PTPRG: variants seen among roughly 807,000 people sequenced by gnomAD.
PTPRG encodes receptor-type tyrosine-protein phosphatase gamma.
Under a neutral mutation model 165.3 loss-of-function variants are expected in PTPRG, and 102 were observed. The observed-to-expected ratio is 0.62, with a 90% CI of 0.53 to 0.73. The LOEUF (loss-of-function observed/expected upper bound fraction) is 0.73. Among genes scored for constraint, PTPRG ranks in the 30% least tolerant of loss-of-function variants. The probability of loss-of-function intolerance (pLI) is 0.00; values close to 1 mark genes in which losing one functional copy is unlikely to be tolerated. For missense variants in PTPRG, 1,866 were observed against 1,861.4 expected, an observed-to-expected ratio of 1.00 and a Z score of -0.05; for synonymous variants, 675 against 669.5, an observed-to-expected ratio of 1.01 and a Z score of -0.13.
chr3:62,130,291 C>T (rs1703466239), intron 5 of PTPRG, among the ~76,000 whole-genome samples: 1 of 152,188 alleles, frequency 6.6e-6, no homozygotes, highest in African/African-American at 2.4e-5. Flanking sequence ...TGGAATTCTT[C>T]ATTTGATCTT....
chr3:62,011,031 G>A (rs1020188824), intron 4 of PTPRG, among the ~76,000 whole-genome samples: 5 of 152,230 alleles, frequency 3.3e-5, no homozygotes, highest in Middle Eastern at 3.4e-3. Flanking sequence ...AATGGTTTCC[G>A]GTTGCCCCCT....
At chr3:61,947,960 G>A (rs1369575243) in intron 2 of PTPRG, among the ~76,000 whole-genome samples, 4 of 152,146 alleles carry the variant, frequency 2.6e-5, no homozygotes, top group Non-Finnish European at 4.4e-5. Flanking sequence ...GGAAATCTGA[G>A]TGGGTCCTCA....
Position 61,691,491 on chromosome 3 carries a change from A to G in PTPRG, c.86-57387A>G, listed in dbSNP as rs77293943. ...CTTCATATATATGAGGATCAGGACC[A>G]TCCTAAATATGTATGTATATCTCTG... On this transcript the variant is annotated intron_variant, in intron 1 of 29. Coordinates refer to ENST00000474889, the MANE Select transcript of PTPRG (RefSeq NM_002841.4). Among the ~76,000 whole-genome samples the G allele has an allele frequency of 5.0e-3, 767 of 152,312 alleles. 1 individual carries two copies. The highest frequency in any genetic ancestry group is 8.0e-3 in the Non-Finnish European group (547 of 68,020).
chr3:61,593,264 C>G (rs1298168593), intron 1 of PTPRG, among the ~76,000 whole-genome samples: 1 of 152,132 alleles, frequency 6.6e-6, no homozygotes, highest in Non-Finnish European at 1.5e-5. Flanking sequence ...CACCAGGGCT[C>G]ACACCTTTGA....
At chr3:62,060,251 T>C (rs533242404) in intron 4 of PTPRG, among the ~76,000 whole-genome samples, 1 of 151,602 alleles carries the variant, frequency 6.6e-6, no homozygotes, top group African/African-American at 2.4e-5. Flanking sequence ...GCTGATTTCC[T>C]GTATCTTGAT....
intron 5 of PTPRG, among the ~76,000 whole-genome samples, chr3:62,084,046 T>C (rs1415780016): frequency 6.6e-6 from 1 of 152,246 alleles, no homozygotes; most frequent in Non-Finnish European, 1.5e-5. Flanking sequence ...TTTGGAATCA[T>C]AAATGCATGA....
intron 1 of PTPRG, among the ~76,000 whole-genome samples, chr3:61,738,912 C>G (rs1019466908): frequency 6.6e-6 from 1 of 150,492 alleles, no homozygotes; most frequent in African/African-American, 2.4e-5. Flanking sequence ...ATAGCTGGAA[C>G]CACCTTGCCT....
At chr3:61,715,556 C>A (rs150628318) in intron 1 of PTPRG, among the ~76,000 whole-genome samples, 1 of 152,088 alleles carries the variant, frequency 6.6e-6, no homozygotes, top group East Asian at 1.9e-4. Context: ...AGGCCCAGAT[C>A]GTATGTCTTG....
chr3:61,878,552 G>A (rs1259798250), intron 2 of PTPRG, among the ~76,000 whole-genome samples: 1 of 152,108 alleles, frequency 6.6e-6, no homozygotes, highest in Non-Finnish European at 1.5e-5. Flanking sequence ...GCAGTGTAGT[G>A]GCAGGATCAG....
chr3:61,696,653 G>C (rs1367260944), intron 1 of PTPRG, among the ~76,000 whole-genome samples: 1 of 152,230 alleles, frequency 6.6e-6, no homozygotes, highest in Non-Finnish European at 1.5e-5. Flanking sequence ...TCAGTGGGTA[G>C]GTGCATGGAG....
chr3:62,018,766 T>A (rs1232993732), intron 4 of PTPRG, among the ~76,000 whole-genome samples: 2 of 152,180 alleles, frequency 1.3e-5, no homozygotes, highest in Non-Finnish European at 2.9e-5. Context: ...CAGGTCTACA[T>A]GAGCCACATC....
intron 2 of PTPRG, 172 bp downstream of exon 2, chr3:61,749,154 C>G: frequency 1.4e-6 from 1 of 700,286 alleles, no homozygotes; most frequent in Non-Finnish European, 2.6e-6. Context: ...TTATAAGCAC[C>G]TTAATTTATC....
At chr3:61,798,209 A>T (rs1340375168) in intron 2 of PTPRG, among the ~76,000 whole-genome samples, 1 of 152,232 alleles carries the variant, frequency 6.6e-6, no homozygotes, top group Non-Finnish European at 1.5e-5. Flanking sequence ...ATTAGCTGTG[A>T]TATAGGAAAT....
intron 2 of PTPRG, among the ~76,000 whole-genome samples, chr3:61,814,189 C>T (rs1358181080): frequency 6.6e-6 from 1 of 152,234 alleles, no homozygotes; most frequent in Non-Finnish European, 1.5e-5. Context: ...GCGTGAGCCA[C>T]AGCGCCCAGC....
At chr3:62,259,037 C>T (rs1034317298) in intron 16 of PTPRG, among the ~76,000 whole-genome samples, 1 of 152,196 alleles carries the variant, frequency 6.6e-6, no homozygotes, top group African/African-American at 2.4e-5. Flanking sequence ...CAGAAGTCCA[C>T]AGCCCCTGGA....
chr3:61,683,178 C>T (rs1181497345), intron 1 of PTPRG, among the ~76,000 whole-genome samples: 2 of 152,200 alleles, frequency 1.3e-5, no homozygotes, highest in Non-Finnish European at 2.9e-5. Context: ...TTGCTCTTTT[C>T]AGTCAGCATT....
chr3:62,013,017 C>A (rs1321387417), intron 4 of PTPRG, among the ~76,000 whole-genome samples: 4 of 152,050 alleles, frequency 2.6e-5, no homozygotes, highest in African/African-American at 9.7e-5. Flanking sequence ...TTTAAATTTT[C>A]AGAAGCCTCC....
intron 4 of PTPRG, among the ~76,000 whole-genome samples, chr3:62,055,293 C>T (rs1306742792): frequency 1.3e-5 from 2 of 152,100 alleles, no homozygotes; most frequent in Non-Finnish European, 1.5e-5. Flanking sequence ...ATTAAAATTG[C>T]AAAATGTGTT....
At chr3:61,785,172 C>G (rs568189852) in intron 2 of PTPRG, among the ~76,000 whole-genome samples, 2 of 152,316 alleles carry the variant, frequency 1.3e-5, no homozygotes, top group South Asian at 4.1e-4. Context: ...AGTATAGGTT[C>G]TGCACATTAA....
Sources: gnomAD v4.1 joint callset for allele counts (sites outside exome capture counted in the v4.1 genomes callset) on GRCh38, gnomAD v4.1.1 for gene constraint, MANE v1.5 for transcripts, NCBI Gene and HGNC (gene_info 2026-07-23, HGNC 2026-07-21) for gene names.